ADGRL3: variants seen among roughly 807,000 people sequenced by gnomAD.
ADGRL3 encodes adhesion G protein-coupled receptor L3.
A neutral mutation model predicts 153.5 loss-of-function variants in ADGRL3; 62 were observed. The observed-to-expected ratio is 0.40, with a 90% confidence interval of 0.33 to 0.50. ADGRL3 has a LOEUF of 0.50. ADGRL3 is among the 20% of genes least tolerant of loss of function. The pLI, the probability that ADGRL3 is intolerant of heterozygous loss-of-function variation, is 0.47. For synonymous variants in ADGRL3, 710 were observed against 672.5 expected (o/e 1.06, Z -0.86); for missense variants, 1,641 against 1,859.4 (o/e 0.88, Z 2.16).
chr4:61,538,783 T>C (rs142776001), intron 4 of ADGRL3, among the ~76,000 whole-genome samples: 16 of 152,152 alleles, frequency 1.1e-4, no homozygotes, highest in African/African-American at 3.6e-4. Context: ...TAATCTCCAG[T>C]CCAGTAGATG....
At chr4:62,016,067 T>C (rs946135383) in intron 21 of ADGRL3, among the ~76,000 whole-genome samples, 19 of 152,112 alleles carry the variant, frequency 1.2e-4, no homozygotes, top group African/African-American at 4.3e-4. Flanking sequence ...TTCTCTTTTT[T>C]GAGATGGAGT....
In ADGRL3 at chr4:61,935,011, A is replaced by G; in HGVS notation, c.2284A>G (p.Thr762Ala). 1.2e-6 allele frequency: 2 copies of G among 1,613,548 alleles called. No individual in the cohort carries two copies. Among genetic ancestry groups the G allele is most frequent in the South Asian group, 2.2e-5 (2 of 91,076 alleles). The change falls in exon 14 of 27, where the codon ACA (threonine) becomes GCA (alanine). Residue 762 changes from threonine (T) to alanine (A), a missense_variant. Transcript: ENST00000683033. ...LLKTDIVREN[T>A]DNIKLEVARL... ...GAAGACTGACATTGTCAGGGAGAAT[A>G]CAGACAATATTAGTAAGTGGCCTTT...
At chr4:61,982,702 T>C (rs1191856068) in intron 18 of ADGRL3, among the ~76,000 whole-genome samples, 1 of 152,168 alleles carries the variant, frequency 6.6e-6, no homozygotes, top group Non-Finnish European at 1.5e-5. Context: ...CAAGCTTGTC[T>C]AAACCAATAT....
At chr4:61,796,144 T>C (rs995198739) in intron 8 of ADGRL3, among the ~76,000 whole-genome samples, 19 of 152,146 alleles carry the variant, frequency 1.2e-4, no homozygotes, top group African/African-American at 4.1e-4. Flanking sequence ...ATCCTACTTC[T>C]TATACATTGT....
chr4:61,615,575 A>AT (rs1375157044), intron 5 of ADGRL3, among the ~76,000 whole-genome samples: 3 of 41,844 alleles, frequency 7.2e-5, no homozygotes, highest in African/African-American at 2.0e-4. Flanking sequence ...CGGTTGGAAT[A>AT]TTGTGTGTGT....
intron 23 of ADGRL3, among the ~76,000 whole-genome samples, chr4:62,033,470 A>T (rs773542948): frequency 1.3e-5 from 2 of 151,722 alleles, no homozygotes; most frequent in Non-Finnish European, 3.0e-5. Flanking sequence ...AATCAAGATG[A>T]TACACTGAAT....
At chr4:61,449,195 G>C (rs2152510567) in intron 2 of ADGRL3, among the ~76,000 whole-genome samples, 1 of 151,906 alleles carries the variant, frequency 6.6e-6, no homozygotes, top group South Asian at 2.1e-4. Context: ...GAGTGGAATG[G>C]GGTGATCCTG....
chr4:61,268,590 C>T (rs940308396), intron 1 of ADGRL3, among the ~76,000 whole-genome samples: 18 of 151,422 alleles, frequency 1.2e-4, no homozygotes, highest in African/African-American at 4.4e-4. Context: ...TATTTAACAT[C>T]TAGTTGCTAG....
chr4:61,448,657 T>A lies in ADGRL3; in HGVS notation c.-173-48464T>A, dbSNP rs552704535. Among the ~76,000 whole-genome samples the A allele has an allele frequency of 1.1e-4, 16 of 151,150 alleles. 1 individual carries two copies. Among genetic ancestry groups the A allele is most frequent in the African/African-American group, 3.9e-4 (16 of 40,964 alleles). On this transcript the variant is annotated intron_variant, in intron 2 of 26. Transcript: ENST00000683033. ...GGAAATTTGATTCAAATATATATCA[T>A]TAGAAGTTTAAGGGGCAAAAATGGC... is the stretch of plus-strand genomic sequence containing the variant.
intron 1 of ADGRL3, among the ~76,000 whole-genome samples, chr4:61,266,038 G>A (rs1404401858): frequency 3.3e-5 from 5 of 151,740 alleles, no homozygotes; most frequent in Non-Finnish European, 7.4e-5. Flanking sequence ...TTTCATACAG[G>A]ATGTGATAAC....
At chr4:61,759,679 C>T (rs9761540) in intron 8 of ADGRL3, among the ~76,000 whole-genome samples, 13,241 of 152,196 alleles carry the variant, frequency 0.087, 1,225 homozygotes, top group African/African-American at 0.23. Context: ...CTCATCAAAG[C>T]CATTCTCCGT....
intron 4 of ADGRL3, among the ~76,000 whole-genome samples, chr4:61,528,523 G>C (rs1293701484): frequency 6.6e-6 from 1 of 152,024 alleles, no homozygotes; most frequent in African/African-American, 2.4e-5. Context: ...TAGGATTTTG[G>C]AGATACGTGC....
intron 7 of ADGRL3, among the ~76,000 whole-genome samples, chr4:61,730,894 T>C (rs1043795386): frequency 2.6e-5 from 4 of 151,926 alleles, no homozygotes; most frequent in African/African-American, 9.7e-5. Flanking sequence ...GAAATCCAAC[T>C]CATGGTGATG....
At chr4:61,643,092 CT>C (rs1411250274) in intron 5 of ADGRL3, among the ~76,000 whole-genome samples, 1 of 152,098 alleles carries the variant, frequency 6.6e-6, no homozygotes, top group Non-Finnish European at 1.5e-5. Flanking sequence ...CTCTGTTTGT[CT>C]GTTATTGGTG....
intron 21 of ADGRL3, among the ~76,000 whole-genome samples, chr4:62,015,849 T>C (rs914696932): frequency 1.1e-4 from 17 of 152,104 alleles, no homozygotes; most frequent in African/African-American, 3.4e-4. Flanking sequence ...AATATCTTCT[T>C]CAAGTCTGTT....
At chr4:61,707,856 A>G (rs527299111) in intron 6 of ADGRL3, among the ~76,000 whole-genome samples, 1 of 152,302 alleles carries the variant, frequency 6.6e-6, no homozygotes, top group African/African-American at 2.4e-5. Flanking sequence ...ACCTTCTGCA[A>G]GCATAACAAG....
At chr4:61,954,841 C>T (rs1044430431) in intron 17 of ADGRL3, among the ~76,000 whole-genome samples, 1 of 152,116 alleles carries the variant, frequency 6.6e-6, no homozygotes, top group African/African-American at 2.4e-5. Flanking sequence ...TTTTAGATTG[C>T]CCCATCTCCA....
chr4:61,252,708 T>G (rs915509488), intron 1 of ADGRL3, among the ~76,000 whole-genome samples: 11 of 150,462 alleles, frequency 7.3e-5, no homozygotes, highest in Admixed American at 6.0e-4. Flanking sequence ...TTTTTTTAAG[T>G]CCCGGTAGCT....
intron 5 of ADGRL3, among the ~76,000 whole-genome samples, chr4:61,610,435 G>A (rs945604653): frequency 1.3e-5 from 2 of 151,924 alleles, no homozygotes; most frequent in South Asian, 2.1e-4. Context: ...TTCTTCTGTC[G>A]GGACTGATCT....
Sources: gnomAD v4.1 joint callset for allele counts (sites outside exome capture counted in the v4.1 genomes callset) on GRCh38, gnomAD v4.1.1 for gene constraint, MANE v1.5 for transcripts, NCBI Gene and HGNC (gene_info 2026-07-23, HGNC 2026-07-21) for gene names.